The following TENM3 variants were observed in gnomAD, a reference collection of about 807,000 sequenced individuals.
TENM3 encodes teneurin transmembrane protein 3, also known as teneurin-3.
TENM3 carries 63 observed loss-of-function variants against 255.1 expected under a neutral mutation model. The ratio of observed to expected loss-of-function variants is 0.25; its 90% CI spans 0.20 to 0.30. The LOEUF (loss-of-function observed/expected upper bound fraction) is 0.30. Among genes scored for constraint, TENM3 ranks in the 10% least tolerant of loss-of-function variants. The pLI, the probability that TENM3 is intolerant of heterozygous loss-of-function variation, is 1.00. For missense variants in TENM3, 2,929 were observed against 3,461.1 expected (o/e 0.85, Z 3.86); for synonymous variants, 1,306 against 1,322.3 (o/e 0.99, Z 0.27).
At chr4:182,772,188 C>T (rs906528007) in intron 22 of TENM3, among the ~76,000 whole-genome samples, 8 of 151,564 alleles carry the variant, frequency 5.3e-5, no homozygotes, top group South Asian at 2.1e-4. Flanking sequence ...GAATGTTTCA[C>T]GAAAAACCCC....
intron 1 of TENM3, among the ~76,000 whole-genome samples, chr4:182,274,385 G>A (rs188611547): frequency 1.2e-4 from 18 of 152,304 alleles, no homozygotes; most frequent in East Asian, 7.7e-4. Flanking sequence ...CAGGAATCCC[G>A]GCTTCCACTG....
chr4:181,770,688 A>G, the TENM3 span, among the ~76,000 whole-genome samples: 6 of 151,650 alleles, frequency 4.0e-5, no homozygotes, highest in Non-Finnish European at 8.8e-5. Flanking sequence ...AAAAAAAAAA[A>G]AAAAAAAAAG....
At chr4:182,584,643 T>G (rs577541560) in intron 3 of TENM3, among the ~76,000 whole-genome samples, 2 of 152,304 alleles carry the variant, frequency 1.3e-5, no homozygotes, top group South Asian at 4.1e-4. Context: ...TTTCTTTGCC[T>G]TTTTTTCTTT....
the TENM3 span, among the ~76,000 whole-genome samples, chr4:181,815,719 G>A: frequency 1.3e-5 from 2 of 152,034 alleles, no homozygotes; most frequent in African/African-American, 4.8e-5. Context: ...AGAGGGTGGG[G>A]GTTGCTTAGA....
At chr4:182,753,713 G>A (rs970734154) in intron 21 of TENM3, 109 bp downstream of exon 21, 62 of 1,053,896 alleles carry the variant, frequency 5.9e-5, no homozygotes, top group Middle Eastern at 4.2e-4. Context: ...ATGTGTTGCA[G>A]TGGTTCTGAT....
the TENM3 span, among the ~76,000 whole-genome samples, chr4:181,822,257 T>C: frequency 1.5e-4 from 23 of 152,226 alleles, no homozygotes; most frequent in African/African-American, 4.6e-4. Context: ...TGAACAGAGA[T>C]AAATCACTTG....
the TENM3 span, among the ~76,000 whole-genome samples, chr4:181,589,046 G>GT: frequency 6.6e-6 from 1 of 152,092 alleles, no homozygotes; most frequent in East Asian, 1.9e-4. Flanking sequence ...CGCCTTGAGT[G>GT]TAAGAGTGAT....
At chr4:182,038,831 T>C in the TENM3 span, among the ~76,000 whole-genome samples, 1 of 152,132 alleles carries the variant, frequency 6.6e-6, no homozygotes, top group African/African-American at 2.4e-5. Flanking sequence ...CCTCTCGGGT[T>C]CAAGTGATTC....
chr4:181,920,292 C>A, the TENM3 span, among the ~76,000 whole-genome samples: 1 of 151,922 alleles, frequency 6.6e-6, no homozygotes, highest in African/African-American at 2.4e-5. Flanking sequence ...AGTTCTAGAT[C>A]CCTGAGGAAT....
chr4:182,347,236 C>T (rs1764887136), intron 3 of TENM3, among the ~76,000 whole-genome samples: 1 of 152,082 alleles, frequency 6.6e-6, no homozygotes, highest in Non-Finnish European at 1.5e-5. Flanking sequence ...ATAGCTTTGA[C>T]TTCTCTTGGA....
chr4:182,195,206 G>C (rs1753767422), intron 1 of TENM3, among the ~76,000 whole-genome samples: 2 of 152,104 alleles, frequency 1.3e-5, no homozygotes, highest in Non-Finnish European at 2.9e-5. Context: ...ATCTCTTAGA[G>C]AGATTTGATT....
chr4:182,050,583 T>A, the TENM3 span, among the ~76,000 whole-genome samples: 5 of 151,912 alleles, frequency 3.3e-5, no homozygotes, highest in African/African-American at 1.2e-4. Context: ...GCAGACGGAT[T>A]GCTTGAGGTC....
In TENM3 at chr4:182,628,765, A is replaced by G. The variant is rs1181764307; in HGVS notation, c.864A>G (p.Arg288=). The G allele has an allele frequency of 6.2e-7, 1 of 1,610,278 alleles. No homozygotes were observed. Among genetic ancestry groups the G allele is most frequent in the Non-Finnish European group, 8.5e-7 (1 of 1,178,318 alleles). ...VYSPPTRPLP[R]NTLSRSAFKF... ...CACCACCTACTCGGCCACTACCTAGAAACACCCTATCAAGAAGTGCTTTTA... is the reference window on the plus strand; with the variant it reads ...CACCACCTACTCGGCCACTACCTAGGAACACCCTATCAAGAAGTGCTTTTA... The change falls in exon 5 of 28, where the codon AGA becomes AGG. Residue 288 remains arginine, a synonymous_variant. Transcript: ENST00000511685.
intron 3 of TENM3, among the ~76,000 whole-genome samples, chr4:182,485,998 G>C (rs1238678960): frequency 6.6e-6 from 1 of 152,116 alleles, no homozygotes; most frequent in Non-Finnish European, 1.5e-5. Flanking sequence ...ATGAAGAGAA[G>C]GAAAGCTGAG....
At chr4:182,458,415 G>T (rs1301815082) in intron 3 of TENM3, among the ~76,000 whole-genome samples, 1 of 152,078 alleles carries the variant, frequency 6.6e-6, no homozygotes, top group African/African-American at 2.4e-5. Context: ...TCTTTTTATG[G>T]TTTTGGTCAA....
chr4:182,185,592 G>C (rs534731942), intron 1 of TENM3, among the ~76,000 whole-genome samples: 2 of 152,306 alleles, frequency 1.3e-5, no homozygotes, highest in South Asian at 4.1e-4. Context: ...CAGAGAGTGC[G>C]TCAGTTACAA....
Position 182,409,538 on chromosome 4 carries a change from T to C in TENM3, c.511+62609T>C, listed in dbSNP as rs565877345. Among the ~76,000 whole-genome samples the C allele has an allele frequency of 1.9e-3, 283 of 152,296 alleles. 1 individual carries two copies. Among genetic ancestry groups the C allele is most frequent in the Non-Finnish European group, 3.5e-3 (236 of 68,030 alleles). On this transcript the variant is annotated intron_variant, in intron 3 of 27. Transcript: ENST00000511685. ...CCACAACACAAATAACTGCATCCTT[T>C]CCATGTGTACATTGGTGCAGGCTCT...
chr4:182,171,806 A>T (rs1752127970), intron 1 of TENM3, among the ~76,000 whole-genome samples: 1 of 152,154 alleles, frequency 6.6e-6, no homozygotes, highest in African/African-American at 2.4e-5. Flanking sequence ...ATATCACAAG[A>T]CTATTAAATA....
At chr4:181,610,466 A>G in the TENM3 span, among the ~76,000 whole-genome samples, 1 of 152,180 alleles carries the variant, frequency 6.6e-6, no homozygotes. Context: ...TAGTGCAGTT[A>G]CATCGAGCTT....
Sources: allele counts gnomAD v4.1 joint callset (sites outside exome capture counted in the v4.1 genomes callset), GRCh38; gene constraint gnomAD v4.1.1; transcripts MANE v1.5; gene names NCBI Gene and HGNC (gene_info 2026-07-23, HGNC 2026-07-21).